Variants in C2CD3 observed in about 807,000 individuals in gnomAD.
C2CD3 encodes C2 domain containing 3 centriole elongation regulator, also known as C2 domain-containing protein 3.
Under a neutral mutation model 234.0 loss-of-function variants are expected in C2CD3, and 148 were observed. That is an observed-to-expected ratio of 0.63 (90% CI 0.55 to 0.72). The LOEUF is 0.72. Among genes scored for constraint, C2CD3 ranks in the 30% least tolerant of loss-of-function variants. C2CD3 has a pLI of 0.00. For synonymous variants in C2CD3, 1,000 were observed against 1,035.4 expected (o/e 0.97, Z 0.66); for missense variants, 2,577 against 2,811.5 (o/e 0.92, Z 1.89).
intron 24 of C2CD3, among the ~76,000 whole-genome samples, chr11:74,058,671 C>T (rs1179564109): frequency 6.6e-6 from 1 of 151,788 alleles, no homozygotes; most frequent in Admixed American, 6.6e-5. Context: ...GGTGAGAATA[C>T]CTAATGTTAA....
At position 74,100,526 on chromosome 11, in the gene C2CD3, T is replaced by C. The variant is rs1329714333; in HGVS notation, c.2731A>G (p.Lys911Glu). Residue 911 changes from lysine (K) to glutamate (E), a missense_variant and splice_region_variant, in exon 15 of 33, where the codon AAA (lysine) becomes GAA (glutamate). By Grantham distance (56) the Lys-to-Glu change is moderately conservative. Coordinates refer to ENST00000334126, the MANE Select transcript of C2CD3 (RefSeq NM_001286577.2). ...LPLHQFYMSFKDAKISRLLLD... is the reference protein window; with the variant it reads ...LPLHQFYMSFEDAKISRLLLD... ...AATACTCCAAAAGGTCCTATTTACT[T>C]GAATGACATGTAAAACTGGTGGAGG... The C allele has an allele frequency of 1.9e-6, 3 of 1,608,154 alleles. No homozygotes were observed. The highest frequency in any genetic ancestry group is 2.5e-6 in the Non-Finnish European group (3 of 1,178,320).
chr11:74,095,047 CA>C (rs1166977322), intron 17 of C2CD3, among the ~76,000 whole-genome samples, 180 bp downstream of exon 17: 2 of 150,674 alleles, frequency 1.3e-5, no homozygotes, highest in African/African-American at 4.9e-5. Context: ...GAAATTGTAT[CA>C]AAATAAAAAG....
chr11:74,094,453 T>C (rs192323230), intron 17 of C2CD3, among the ~76,000 whole-genome samples: 1 of 152,286 alleles, frequency 6.6e-6, no homozygotes, highest in East Asian at 1.9e-4. Flanking sequence ...AACCTCAAAA[T>C]CAACACTGGC....
intron 15 of C2CD3, 74 bp from the exon 16 acceptor site, chr11:74,098,329 C>A (rs1483606321): frequency 6.8e-7 from 1 of 1,476,280 alleles, no homozygotes; most frequent in South Asian, 1.2e-5. Flanking sequence ...TTTCTTGACT[C>A]ATTTTTTCAG....
chr11:74,136,546 C>T (rs887442802), intron 5 of C2CD3, among the ~76,000 whole-genome samples: 1 of 152,168 alleles, frequency 6.6e-6, no homozygotes, highest in Non-Finnish European at 1.5e-5. Context: ...CAGGAGCTGC[C>T]TAAGTCTGAG....
chr11:74,155,708 T>C (rs1855967971), intron 3 of C2CD3, among the ~76,000 whole-genome samples: 1 of 151,946 alleles, frequency 6.6e-6, no homozygotes, highest in Non-Finnish European at 1.5e-5. Flanking sequence ...AGACAGAAAG[T>C]AGGTTAGTAG....
At chr11:74,022,943 C>T (rs1253202647) in intron 32 of C2CD3, among the ~76,000 whole-genome samples, 1 of 152,244 alleles carries the variant, frequency 6.6e-6, no homozygotes, top group African/African-American at 2.4e-5. Flanking sequence ...CTATACTCTA[C>T]CTGTGTGGCA....
rs143478201 is a variant in C2CD3 at position 74,114,244 on chromosome 11, G to C, written c.1730+140C>G. 108 of 667,480 alleles carry C rather than the reference G, an allele frequency of 1.6e-4. No homozygotes were observed. In the African/African-American group the frequency reaches 1.7e-3, roughly 10 times the overall value. 41.3% of individuals were successfully genotyped at this position (667,480 alleles called of 1,614,324 possible). On this transcript the variant is annotated intron_variant, in intron 10 of 32. Coordinates refer to ENST00000334126, the MANE Select transcript of C2CD3 (RefSeq NM_001286577.2). ...CTTACACAGTTCTTGGGATATAGCAGGGATTCAATATATTTCTGTAGATTA... is the reference window on the plus strand; with the variant it reads ...CTTACACAGTTCTTGGGATATAGCACGGATTCAATATATTTCTGTAGATTA...
At chr11:74,062,307 T>C (rs1217775801) in intron 24 of C2CD3, among the ~76,000 whole-genome samples, 2 of 152,132 alleles carry the variant, frequency 1.3e-5, no homozygotes, top group Non-Finnish European at 2.9e-5. Context: ...CCACCCCAAA[T>C]CAACAGAATA....
chr11:74,138,412 A>C (rs1957938821), intron 5 of C2CD3, among the ~76,000 whole-genome samples: 1 of 152,210 alleles, frequency 6.6e-6, no homozygotes, highest in African/African-American at 2.4e-5. Context: ...ACCTGCCTTG[A>C]ATTATTTGGG....
chr11:74,055,848 C>T (rs1203979848), intron 25 of C2CD3, among the ~76,000 whole-genome samples: 1 of 152,230 alleles, frequency 6.6e-6, no homozygotes, highest in African/African-American at 2.4e-5. Flanking sequence ...GCCACAGTCT[C>T]CTCAAGTGTA....
chr11:74,144,881 T>C (rs188860105), intron 3 of C2CD3, among the ~76,000 whole-genome samples: 5 of 152,338 alleles, frequency 3.3e-5, no homozygotes, highest in Non-Finnish European at 7.3e-5. Context: ...TCTATGTTTT[T>C]GCTATTGTGA....
At chr11:74,020,393 A>T (rs113529585) in intron 32 of C2CD3, among the ~76,000 whole-genome samples, 2 of 152,342 alleles carry the variant, frequency 1.3e-5, no homozygotes, top group African/African-American at 4.8e-5. Context: ...CAGCATGAAA[A>T]GCCTTTCCTT....
At chr11:74,115,835 A>T (rs1193134150) in intron 9 of C2CD3, among the ~76,000 whole-genome samples, 2 of 152,186 alleles carry the variant, frequency 1.3e-5, no homozygotes, top group African/African-American at 4.8e-5. Flanking sequence ...CTTATAGCCA[A>T]CTGATCTTCA....
chr11:74,114,057 G>T (rs531529294), intron 10 of C2CD3, among the ~76,000 whole-genome samples, 165 bp from the exon 11 acceptor site: 2 of 152,070 alleles, frequency 1.3e-5, no homozygotes, highest in South Asian at 2.1e-4. Flanking sequence ...AGAATCAAAG[G>T]CTCCCTTTCT....
intron 7 of C2CD3, among the ~76,000 whole-genome samples, chr11:74,126,924 C>A (rs537897573): frequency 8.5e-5 from 13 of 152,280 alleles, no homozygotes; most frequent in African/African-American, 2.6e-4. Context: ...CCCTAAGGAA[C>A]TATTAATCTA....
At chr11:74,046,340 A>G (rs1490535089) in intron 28 of C2CD3, among the ~76,000 whole-genome samples, 1 of 152,172 alleles carries the variant, frequency 6.6e-6, no homozygotes, top group Non-Finnish European at 1.5e-5. Flanking sequence ...AATCATATAC[A>G]AGGTACTTTT....
intron 24 of C2CD3, among the ~76,000 whole-genome samples, chr11:74,058,438 GATTTCTATCATTATTTCTATCATTGTT>G (rs1954058795): frequency 6.6e-6 from 1 of 151,950 alleles, no homozygotes; most frequent in Admixed American, 6.5e-5. Flanking sequence ...CTATCATGTA[GATTTCTATCATTATTTCTATCATTGTT>G]ATTTCTATCA....
At position 74,034,056 on chromosome 11, in the gene C2CD3, T is replaced by A. The variant is rs1395275563; in HGVS notation, c.6104A>T (p.His2035Leu). 5.9e-6 allele frequency: 9 copies of A among 1,536,294 alleles called. No homozygotes were observed. The highest frequency in any genetic ancestry group is 7.8e-6 in the Non-Finnish European group (9 of 1,146,976). ...GGGTACTGCATGCCTCAGGGACTCATGGAGCATTCTTCCTCCATTTGAAGT... is the reference window on the plus strand; with the variant it reads ...GGGTACTGCATGCCTCAGGGACTCAAGGAGCATTCTTCCTCCATTTGAAGT... ...EETSNGGRML[H>L]ESLRHAVPIT... The change falls in exon 31 of 33, where the codon CAT (histidine) becomes CTT (leucine). Residue 2035 changes from histidine to leucine, a missense_variant. By Grantham distance (99) the His-to-Leu change is moderately conservative. Coordinates refer to ENST00000334126, the MANE Select transcript of C2CD3 (RefSeq NM_001286577.2).
Sources: allele counts gnomAD v4.1 joint callset (sites outside exome capture counted in the v4.1 genomes callset), GRCh38; gene constraint gnomAD v4.1.1; transcripts MANE v1.5; gene names NCBI Gene and HGNC (gene_info 2026-07-23, HGNC 2026-07-21).